Variants in CTNNA3 observed in about 807,000 individuals in gnomAD.
CTNNA3 encodes the protein catenin alpha 3, also known as catenin alpha-3.
A neutral mutation model predicts 95.7 loss-of-function variants in CTNNA3; 76 were observed. The observed-to-expected ratio is 0.79, with a 90% CI of 0.66 to 0.96. CTNNA3 has a LOEUF of 0.96. Among genes scored for constraint, CTNNA3 ranks in the 40% least tolerant of loss-of-function variants. CTNNA3 has a pLI of 0.00. For synonymous variants in CTNNA3, 431 were observed against 374.4 expected (o/e 1.15, Z -1.74); for missense variants, 1,191 against 1,089.8 (o/e 1.09, Z -1.31).
chr10:67,020,779 A>T (rs1288867895), intron 7 of CTNNA3, among the ~76,000 whole-genome samples: 1 of 152,200 alleles, frequency 6.6e-6, no homozygotes, highest in Non-Finnish European at 1.5e-5. Flanking sequence ...TGACCATGTA[A>T]GTTTCAGAAA....
chr10:66,414,933 C>A (rs1323007811), intron 11 of CTNNA3, among the ~76,000 whole-genome samples: 1 of 152,112 alleles, frequency 6.6e-6, no homozygotes, highest in African/African-American at 2.4e-5. Context: ...GGGGTTTAGA[C>A]ACAAGTGACC....
intron 6 of CTNNA3, among the ~76,000 whole-genome samples, chr10:67,191,671 T>C (rs375073863): frequency 2.0e-5 from 3 of 152,024 alleles, no homozygotes; most frequent in East Asian, 3.9e-4. Flanking sequence ...ATGTCTATAT[T>C]ACCCAAAGTG....
intron 9 of CTNNA3, among the ~76,000 whole-genome samples, chr10:66,749,897 G>T (rs1176053479): frequency 7.9e-5 from 12 of 152,130 alleles, no homozygotes; most frequent in African/African-American, 2.9e-4. Context: ...CAGTATCTTG[G>T]ATTTTGGCCA....
At chr10:66,387,760 C>A (rs1308880373) in intron 11 of CTNNA3, among the ~76,000 whole-genome samples, 1 of 152,138 alleles carries the variant, frequency 6.6e-6, no homozygotes, top group Non-Finnish European at 1.5e-5. Context: ...GAATACTATG[C>A]AGCCATAAAA....
chr10:66,308,935 T>C (rs748634935), intron 12 of CTNNA3, among the ~76,000 whole-genome samples: 13 of 152,330 alleles, frequency 8.5e-5, no homozygotes, highest in Non-Finnish European at 1.8e-4. Context: ...CTTACTCTAC[T>C]TAAGGGAAAT....
chr10:65,984,938 T>G (rs955703611), intron 16 of CTNNA3, among the ~76,000 whole-genome samples: 37 of 151,074 alleles, frequency 2.4e-4, no homozygotes, highest in African/African-American at 8.7e-4. Flanking sequence ...AACTCAGAAA[T>G]TTTGACTTAT....
intron 13 of CTNNA3, among the ~76,000 whole-genome samples, chr10:66,255,337 G>A (rs2090725652): frequency 6.6e-6 from 1 of 152,034 alleles, no homozygotes; most frequent in Admixed American, 6.6e-5. Flanking sequence ...AACCCAACAT[G>A]GGTTCAACTC....
chr10:66,365,680 A>C (rs944468006), intron 12 of CTNNA3, among the ~76,000 whole-genome samples: 1 of 152,046 alleles, frequency 6.6e-6, no homozygotes, highest in Admixed American at 6.6e-5. Context: ...TTCGCTTCTA[A>C]CAAACTGAAT....
At chr10:66,539,952 G>A (rs1230980389) in intron 10 of CTNNA3, among the ~76,000 whole-genome samples, 5 of 152,000 alleles carry the variant, frequency 3.3e-5, no homozygotes, top group Non-Finnish European at 5.9e-5. Context: ...AATAGTCCTG[G>A]TCAATGTTTG....
intron 6 of CTNNA3, among the ~76,000 whole-genome samples, chr10:67,191,812 T>G (rs1863132889): frequency 6.6e-6 from 1 of 151,820 alleles, no homozygotes. Context: ...AGAACAAAAC[T>G]GGAGGGATCA....
chr10:67,610,853 C>T (rs972858497), intron 2 of CTNNA3, among the ~76,000 whole-genome samples: 2 of 152,148 alleles, frequency 1.3e-5, no homozygotes, highest in African/African-American at 4.8e-5. Flanking sequence ...GATACAAAAC[C>T]CTCCCATTCC....
At chr10:66,104,480 T>C (rs918556423) in intron 13 of CTNNA3, among the ~76,000 whole-genome samples, 9 of 152,118 alleles carry the variant, frequency 5.9e-5, no homozygotes, top group African/African-American at 2.2e-4. Flanking sequence ...GGGATACAAG[T>C]GGGTTTTGGT....
In CTNNA3 at chr10:66,421,897, G is replaced by GATATATATATATATAT. The variant is rs35513829; in HGVS notation, c.1532-42561_1532-42546dup. On this transcript the variant is annotated intron_variant, in intron 11 of 17. Transcript: ENST00000433211. ...TTTCTAAGAGCTTCATAATAAATGT[G>GATATATATATATATAT]ATATATATATATATATATACACACA... Among the ~76,000 whole-genome samples the GATATATATATATATAT allele has an allele frequency of 4.6e-3, 495 of 107,998 alleles. 5 individuals are homozygous for GATATATATATATATAT. Among genetic ancestry groups the GATATATATATATATAT allele is most frequent in the African/African-American group, 0.016 (451 of 28,550 alleles). The allele number at this position is 107,998 out of a possible 152,430, so 70.9% of individuals were successfully genotyped here. A position where few individuals can be genotyped will look rare whatever the true frequency, so the allele number is the denominator to read the frequency against.
At chr10:66,719,360 T>G (rs1848553769) in intron 9 of CTNNA3, among the ~76,000 whole-genome samples, 1 of 152,210 alleles carries the variant, frequency 6.6e-6, no homozygotes, top group African/African-American at 2.4e-5. Flanking sequence ...TATGACCACA[T>G]ATGTTACACT....
At chr10:67,690,900 T>A (rs539387695) in intron 1 of CTNNA3, among the ~76,000 whole-genome samples, 26 of 151,946 alleles carry the variant, frequency 1.7e-4, no homozygotes, top group Non-Finnish European at 3.5e-4. Flanking sequence ...CTCCCCACGG[T>A]CTCCCTCTCC....
chr10:66,620,895 A>G (rs1844721525), intron 10 of CTNNA3, among the ~76,000 whole-genome samples: 1 of 152,108 alleles, frequency 6.6e-6, no homozygotes, highest in South Asian at 2.1e-4. Flanking sequence ...AATCTTTGTT[A>G]TTTTTCTCAT....
intron 7 of CTNNA3, among the ~76,000 whole-genome samples, chr10:66,815,857 C>T (rs1842058390): frequency 1.3e-5 from 2 of 152,086 alleles, no homozygotes; most frequent in Admixed American, 1.3e-4. Flanking sequence ...GGGGCAATTT[C>T]CAGGCTGAAA....
At chr10:67,262,255 A>G (rs1218894812) in intron 5 of CTNNA3, among the ~76,000 whole-genome samples, 1 of 152,200 alleles carries the variant, frequency 6.6e-6, no homozygotes, top group East Asian at 1.9e-4. Flanking sequence ...AATAAGATAC[A>G]TCATCCAACC....
At chr10:66,373,023 T>C (rs2132467841) in intron 12 of CTNNA3, among the ~76,000 whole-genome samples, 1 of 152,288 alleles carries the variant, frequency 6.6e-6, no homozygotes, top group African/African-American at 2.4e-5. Context: ...TAATATCCAC[T>C]CTTAAGCCCT....
Sources: allele counts gnomAD v4.1 joint callset (sites outside exome capture counted in the v4.1 genomes callset), GRCh38; gene constraint gnomAD v4.1.1; transcripts MANE v1.5; gene names NCBI Gene and HGNC (gene_info 2026-07-23, HGNC 2026-07-21).